The following AK8 variants were observed in gnomAD, a reference collection of about 807,000 sequenced individuals.
AK8 encodes the protein ATP-AMP transphosphorylase 8.
In AK8, 44 loss-of-function variants were observed where a neutral mutation model predicts 54.6. The observed-to-expected ratio is 0.81, with a 90% CI of 0.63 to 1.04. The LOEUF (loss-of-function observed/expected upper bound fraction) is 1.04, where lower values mean the gene tolerates loss of function less well. AK8 is among the 50% of genes least tolerant of loss of function. The probability of loss-of-function intolerance (pLI) is 0.00; values close to 1 mark genes in which losing one functional copy is unlikely to be tolerated. For missense variants in AK8, 555 were observed against 613.6 expected (o/e 0.90, Z 1.01); for synonymous variants, 239 against 245.6 (o/e 0.97, Z 0.25).
intron 5 of AK8, among the ~76,000 whole-genome samples, chr9:132,830,162 C>T (rs1842045951): frequency 6.6e-6 from 1 of 152,232 alleles, no homozygotes; most frequent in Non-Finnish European, 1.5e-5. Flanking sequence ...GAAGTTTTCA[C>T]AGCTGCCTGG....
At position 132,863,678 on chromosome 9, in the gene AK8, T is replaced by C. The variant is rs1843478141; in HGVS notation, c.320A>G (p.Tyr107Cys). The stretch of plus-strand genomic sequence containing the variant: ...GGCCAGTCCTACCTTCCTTTGCAGA[T>C]AAAGCCTTCTGGCTTCGGTGGCCGT... Reference protein sequence around the residue: ...SYTATEARRLYLQRKTVPSAL... With the variant: ...SYTATEARRLCLQRKTVPSAL... The change falls in exon 4 of 13, where the codon TAT becomes TGT. Residue 107 changes from tyrosine (Y) to cysteine (C), a missense_variant. Tyr to Cys is a radical substitution (Grantham distance 194). Transcript: ENST00000298545. 6 of 1,613,322 alleles carry C rather than the reference T, an allele frequency of 3.7e-6. No individual in the cohort carries two copies. The highest frequency in any genetic ancestry group is 5.1e-6 in the Non-Finnish European group (6 of 1,179,620).
upstream of AK8, chr9:132,878,405 G>A: frequency 8.1e-7 from 1 of 1,239,334 alleles, no homozygotes; most frequent in South Asian, 4.0e-5. The surrounding 1 kb of genome is among the most constrained non-coding windows in gnomAD (Gnocchi z 4.7). Context: ...CCCCCGCCCC[G>A]ACCTCCCCGG....
intron 11 of AK8, among the ~76,000 whole-genome samples, chr9:132,746,705 T>C (rs142341776): frequency 1.3e-3 from 198 of 152,242 alleles, no homozygotes; most frequent in Non-Finnish European, 1.8e-3. Flanking sequence ...GAGCAACCAG[T>C]GAGGTCTACA....
intron 4 of AK8, among the ~76,000 whole-genome samples, chr9:132,856,807 G>A (rs1004793241): frequency 6.6e-6 from 1 of 152,188 alleles, no homozygotes; most frequent in African/African-American, 2.4e-5. Flanking sequence ...CAGCACAAAG[G>A]GAAAGAGAGA....
chr9:132,741,014 T>C (rs1837361792), intron 11 of AK8, among the ~76,000 whole-genome samples: 1 of 152,140 alleles, frequency 6.6e-6, no homozygotes, highest in Admixed American at 6.5e-5. Context: ...TGTTCCCAAG[T>C]GGCACCTGGC....
chr9:132,823,139 G>C (rs1841721783), intron 9 of AK8, 66 bp downstream of exon 9: 1 of 1,492,178 alleles, frequency 6.7e-7, no homozygotes, highest in Admixed American at 2.4e-5. Flanking sequence ...ATGAGAGCTG[G>C]GGAGGAGGGG....
At chr9:132,832,038 G>C (rs888897304) in intron 5 of AK8, among the ~76,000 whole-genome samples, 2 of 140,814 alleles carry the variant, frequency 1.4e-5, no homozygotes, top group African/African-American at 2.7e-5. Context: ...CTCCTGCCTG[G>C]GTGACACAGT....
chr9:132,800,059 C>T (rs757400495), intron 10 of AK8, among the ~76,000 whole-genome samples: 14 of 152,194 alleles, frequency 9.2e-5, no homozygotes, highest in African/African-American at 3.1e-4. Context: ...CTGAAAGAAG[C>T]GGGGCTCGCA....
Position 132,777,743 on chromosome 9 carries a change from T to C in AK8, c.1121+14891A>G, listed in dbSNP as rs569732929. Among the ~76,000 whole-genome samples, 285 of 152,206 alleles carry C rather than the reference T, an allele frequency of 1.9e-3. 1 individual carries two copies. Among genetic ancestry groups the C allele is most frequent in the Middle Eastern group, 0.014 (4 of 294 alleles). ...AGTCAAGCAGGGCTGAGGGAAACAG[T>C]TGTGAACTATCAGGAAGCTCTGCGA... On this transcript the variant is annotated intron_variant, in intron 11 of 12. Transcript: ENST00000298545.
Position 132,837,439 on chromosome 9 carries a change from C to T in AK8, c.403-8713G>A, listed in dbSNP as rs1454028648. Among the ~76,000 whole-genome samples the T allele has an allele frequency of 6.6e-6, 1 of 152,090 alleles. No homozygotes were observed. Among genetic ancestry groups the T allele is most frequent in the East Asian group, 1.9e-4 (1 of 5,184 alleles). On this transcript the variant is annotated intron_variant, in intron 5 of 12. Coordinates refer to ENST00000298545, the MANE Select transcript of AK8 (RefSeq NM_152572.3). This position sits in a 1 kb window ranked among gnomAD's most constrained non-coding sequence, Gnocchi z 4.3. ...GACGTGGCACCTCTGACTCTCTGCT[C>T]AGCCTGCGAAGAGAAGAGTGATGTG...
rs1838951757 is a variant in AK8 at position 132,770,979 on chromosome 9, G to A, written c.1121+21655C>T. Among the ~76,000 whole-genome samples the A allele has an allele frequency of 6.6e-6, 1 of 152,166 alleles. No homozygotes were observed. Among genetic ancestry groups the A allele is most frequent in the East Asian group, 1.9e-4 (1 of 5,184 alleles). ...ACAGGAGATGGGAGGGTCTGGCTGA[G>A]CAGGGGGCCTCAGGAGGCCTCTGGG... On this transcript the variant is annotated intron_variant, in intron 11 of 12. Coordinates refer to ENST00000298545, the MANE Select transcript of AK8 (RefSeq NM_152572.3). This position sits in a 1 kb window ranked among gnomAD's most constrained non-coding sequence, Gnocchi z 4.3.
At chr9:132,845,498 G>C (rs953702970) in intron 5 of AK8, among the ~76,000 whole-genome samples, 24 of 152,196 alleles carry the variant, frequency 1.6e-4, no homozygotes, top group African/African-American at 5.3e-4. Context: ...ATATTTGAAA[G>C]ACTATTCTAG....
chr9:132,787,548 A>G (rs1839767723), intron 11 of AK8, among the ~76,000 whole-genome samples: 1 of 152,186 alleles, frequency 6.6e-6, no homozygotes, highest in African/African-American at 2.4e-5. Flanking sequence ...TTTCAGATAG[A>G]ATAGTAGGGC....
intron 11 of AK8, among the ~76,000 whole-genome samples, chr9:132,734,082 C>T (rs942361967): frequency 1.3e-5 from 2 of 152,174 alleles, no homozygotes; most frequent in Middle Eastern, 3.2e-3. Context: ...TAACAAGATC[C>T]TCAGTGATTT....
chr9:132,787,070 A>G (rs929728078), intron 11 of AK8, among the ~76,000 whole-genome samples: 2 of 152,126 alleles, frequency 1.3e-5, no homozygotes, highest in African/African-American at 2.4e-5. Flanking sequence ...GCCAAACAAA[A>G]CAAAAAGCAG....
At chr9:132,868,109 A>C (rs966613708) in intron 2 of AK8, among the ~76,000 whole-genome samples, 1 of 152,216 alleles carries the variant, frequency 6.6e-6, no homozygotes, top group Admixed American at 6.5e-5. Flanking sequence ...ACAGATGTCC[A>C]CTGCAACTCA....
intron 10 of AK8, among the ~76,000 whole-genome samples, chr9:132,800,521 A>G (rs1184803686): frequency 3.3e-5 from 5 of 152,164 alleles, no homozygotes; most frequent in Non-Finnish European, 7.3e-5. Flanking sequence ...ATTGCCCCAG[A>G]CAAACCCCCA....
At chr9:132,740,711 A>ACCC (rs139551614) in intron 11 of AK8, among the ~76,000 whole-genome samples, 4 of 150,762 alleles carry the variant, frequency 2.7e-5, no homozygotes, top group African/African-American at 9.8e-5. Flanking sequence ...AGAGCTGAGC[A>ACCC]CCCCCCCGCC....
At chr9:132,863,161 C>T (rs1490854561) in intron 4 of AK8, among the ~76,000 whole-genome samples, 2 of 152,250 alleles carry the variant, frequency 1.3e-5, no homozygotes, top group South Asian at 2.1e-4. Flanking sequence ...GGGCACTGCC[C>T]GGACCAGAGG....
Sources: allele counts gnomAD v4.1 joint callset (sites outside exome capture counted in the v4.1 genomes callset), GRCh38; gene constraint gnomAD v4.1.1; non-coding constraint Gnocchi (gnomAD v3.1); transcripts MANE v1.5; gene names NCBI Gene and HGNC (gene_info 2026-07-23, HGNC 2026-07-21).